Variants in PRKN observed in about 807,000 individuals in gnomAD.
PRKN encodes the protein parkin RBR E3 ubiquitin protein ligase.
PRKN carries 56 observed loss-of-function variants against 59.5 expected under a neutral mutation model. That is an observed-to-expected ratio of 0.94 (90% confidence interval 0.76 to 1.18). The LOEUF (loss-of-function observed/expected upper bound fraction) is 1.18. Ranked by LOEUF, PRKN falls within the 50% of genes most tolerant of loss-of-function variation. The pLI is 0.00. For missense variants in PRKN, 657 were observed against 596.4 expected (o/e 1.10, Z -1.06); for synonymous variants, 250 against 222.1 (o/e 1.13, Z -1.12).
rs563312120 is a variant in PRKN at position 161,413,943 on chromosome 6, C to T, written c.1084-27066G>A. 6.6e-6 allele frequency among the ~76,000 whole-genome samples: 1 copy of T among 151,968 alleles called. No individual in the cohort carries two copies. The highest frequency in any genetic ancestry group is 1.5e-5 in the Non-Finnish European group (1 of 68,016). On this transcript the variant is annotated intron_variant, in intron 9 of 11. Coordinates refer to ENST00000366898, the MANE Select transcript of PRKN (RefSeq NM_004562.3). This position sits in a 1 kb window ranked among gnomAD's most constrained non-coding sequence, Gnocchi z 4.4. ...GAAGAGGAGACTGTGGAAAGGGAAG[C>T]GAGGCAGAGGTGGCAGAAAGAGATG...
chr6:162,238,992 T>A (rs1306045286), intron 3 of PRKN, among the ~76,000 whole-genome samples: 1 of 152,176 alleles, frequency 6.6e-6, no homozygotes, highest in Admixed American at 6.5e-5. Context: ...ATTTCCTTAA[T>A]GATGCACAAA....
At chr6:162,166,655 A>G (rs1389276360) in intron 4 of PRKN, among the ~76,000 whole-genome samples, 2 of 152,220 alleles carry the variant, frequency 1.3e-5, no homozygotes, top group Non-Finnish European at 2.9e-5. Context: ...AAATGAGACG[A>G]ATTGGTAAGT....
chr6:162,680,752 T>G (rs910594949), intron 1 of PRKN, among the ~76,000 whole-genome samples: 2 of 152,060 alleles, frequency 1.3e-5, no homozygotes, highest in East Asian at 3.8e-4. Flanking sequence ...TAATCACTCC[T>G]TCTCATAAAT....
Position 161,386,781 on chromosome 6 carries a change from G to A in PRKN, c.1167+13C>T, listed in dbSNP as rs181818478. On this transcript the variant is annotated intron_variant, in intron 10 of 11. Coordinates refer to ENST00000366898, the MANE Select transcript of PRKN (RefSeq NM_004562.3). The surrounding 1 kb of genome is among the most constrained non-coding windows in gnomAD (Gnocchi z 4.3). ...GGAGCCCTGCTTGGAGGAATGAGTA[G>A]GGCATTCTGTACCTGAGTAGTTGTT... 6.3e-7 allele frequency: 1 copy of A among 1,592,292 alleles called. No individual in the cohort carries two copies. The highest frequency in any genetic ancestry group is 2.2e-5 in the East Asian group (1 of 44,770).
At chr6:162,660,554 T>C (rs1338825831) in intron 1 of PRKN, among the ~76,000 whole-genome samples, 1 of 152,210 alleles carries the variant, frequency 6.6e-6, no homozygotes. Context: ...TTCCCTATGA[T>C]TCCATAGCTA....
intron 2 of PRKN, among the ~76,000 whole-genome samples, chr6:162,363,134 A>G (rs902903559): frequency 1.5e-5 from 2 of 136,114 alleles, no homozygotes; most frequent in Non-Finnish European, 3.1e-5. Flanking sequence ...TCTCAAACAA[A>G]AAAAAAAAAA....
At position 161,464,172 on chromosome 6, in the gene PRKN, G is replaced by A. The variant is rs141272239; in HGVS notation, c.1084-77295C>T. Among the ~76,000 whole-genome samples, 567 of 152,132 alleles carry A rather than the reference G, an allele frequency of 3.7e-3. 4 individuals carry two copies. Among genetic ancestry groups the A allele is most frequent in the African/African-American group, 0.013 (547 of 41,510 alleles). ...TGGGATTACAGGCATGTACCACCAC[G>A]TCCAGCTAATTTTGTATTTTTAGTA... On this transcript the variant is annotated intron_variant, in intron 9 of 11. Coordinates refer to ENST00000366898, the MANE Select transcript of PRKN (RefSeq NM_004562.3).
intron 2 of PRKN, among the ~76,000 whole-genome samples, chr6:162,318,768 C>T (rs1357315963): frequency 1.3e-5 from 2 of 151,906 alleles, no homozygotes; most frequent in South Asian, 2.1e-4. Context: ...ATAAACATAG[C>T]ATCAATCCAG....
chr6:162,257,843 G>A (rs1236649136), intron 3 of PRKN, among the ~76,000 whole-genome samples: 1 of 152,118 alleles, frequency 6.6e-6, no homozygotes, highest in Admixed American at 6.6e-5. Context: ...CAGCCAGCAT[G>A]AGGCTTCCTG....
intron 6 of PRKN, among the ~76,000 whole-genome samples, chr6:161,797,030 C>G (rs1424241448): frequency 6.6e-6 from 1 of 152,132 alleles, no homozygotes; most frequent in Non-Finnish European, 1.5e-5. Flanking sequence ...AACCTCATGA[C>G]AGGAAGAATT....
intron 1 of PRKN, among the ~76,000 whole-genome samples, chr6:162,701,671 T>C (rs981297177): frequency 2.0e-5 from 3 of 151,998 alleles, no homozygotes; most frequent in African/African-American, 4.8e-5. Context: ...GCTTCCAAGA[T>C]TGGAGCTTTC....
At chr6:161,962,725 C>T (rs899464053) in intron 6 of PRKN, among the ~76,000 whole-genome samples, 16 of 151,728 alleles carry the variant, frequency 1.1e-4, no homozygotes, top group African/African-American at 1.7e-4. Flanking sequence ...TTAGTAGAGA[C>T]GGGGGTTTGC....
intron 6 of PRKN, among the ~76,000 whole-genome samples, chr6:161,882,050 T>C (rs1794956263): frequency 6.6e-6 from 1 of 152,090 alleles, no homozygotes; most frequent in African/African-American, 2.4e-5. Flanking sequence ...TTATTCAGAA[T>C]AGCTATATAG....
chr6:162,071,738 G>A (rs1394465477), intron 4 of PRKN, among the ~76,000 whole-genome samples: 2 of 151,918 alleles, frequency 1.3e-5, no homozygotes, highest in Non-Finnish European at 2.9e-5. Flanking sequence ...TGGGATTACA[G>A]GCACATGGCA....
chr6:161,663,207 C>T (rs1784609755), intron 7 of PRKN, among the ~76,000 whole-genome samples: 1 of 152,150 alleles, frequency 6.6e-6, no homozygotes, highest in African/African-American at 2.4e-5. Context: ...ATTACCCAAT[C>T]TCAGGTATGT....
intron 1 of PRKN, among the ~76,000 whole-genome samples, chr6:162,443,807 A>G (rs10455909): frequency 0.25 from 37,421 of 151,934 alleles, 4,644 homozygotes; most frequent in African/African-American, 0.27. Context: ...TATTGAAAAG[A>G]CTCAGCTCTG....
intron 2 of PRKN, among the ~76,000 whole-genome samples, chr6:162,286,795 C>T (rs747225806): frequency 2.6e-5 from 4 of 152,142 alleles, no homozygotes; most frequent in Non-Finnish European, 4.4e-5. Context: ...CTACATTCTC[C>T]AAACTTTAAT....
rs760612238 is a variant in PRKN at position 162,531,716 on chromosome 6, AC to A, written c.8-88244del. ...TAGGCTCCAGCTGCATGACTCCTAA[AC>A]CGTAATTTCTAATCTTGTCGCTAAT... On this transcript the variant is annotated intron_variant, in intron 1 of 11. Transcript: ENST00000366898. 2.3e-4 allele frequency among the ~76,000 whole-genome samples: 35 copies of A among 152,108 alleles called. 1 individual carries two copies. The highest frequency in any genetic ancestry group is 3.2e-4 in the Non-Finnish European group (22 of 68,018).
At chr6:162,099,637 C>T (rs1057488281) in intron 4 of PRKN, among the ~76,000 whole-genome samples, 1 of 152,106 alleles carries the variant, frequency 6.6e-6, no homozygotes, top group African/African-American at 2.4e-5. Flanking sequence ...AAGCACAGTA[C>T]AAATAACTAT....
Sources: allele counts gnomAD v4.1 joint callset (sites outside exome capture counted in the v4.1 genomes callset), GRCh38; gene constraint gnomAD v4.1.1; non-coding constraint Gnocchi (gnomAD v3.1); transcripts MANE v1.5; gene names NCBI Gene and HGNC (gene_info 2026-07-23, HGNC 2026-07-21).